The following NDUFAF6 variants were observed in gnomAD, a reference collection of about 807,000 sequenced individuals.
The protein encoded by NDUFAF6 is NADH dehydrogenase (ubiquinone) complex I, assembly factor 6.
NDUFAF6 carries 45 observed loss-of-function variants against 40.8 expected under a neutral mutation model. That is an observed-to-expected ratio of 1.10 (90% CI 0.87 to 1.42). The LOEUF (loss-of-function observed/expected upper bound fraction) is 1.42, where lower values mean the gene tolerates loss of function less well. Among genes scored for constraint, NDUFAF6 ranks in the 40% most tolerant of loss-of-function variants. NDUFAF6 has a pLI of 0.00. For synonymous variants in NDUFAF6, 185 were observed against 155.9 expected, an observed-to-expected ratio of 1.19 and a Z score of -1.39; for missense variants, 435 against 418.5, an observed-to-expected ratio of 1.04 and a Z score of -0.34.
chr8:95,063,026 C>G (rs1246986436), downstream of NDUFAF6, among the ~76,000 whole-genome samples: 2 of 152,126 alleles, frequency 1.3e-5, no homozygotes, highest in Admixed American at 6.5e-5. Flanking sequence ...TTGTTAAGTA[C>G]AGCTGGAAAG....
At chr8:94,997,275 TAAGC>T (rs1242376125) in intron 2 of NDUFAF6, among the ~76,000 whole-genome samples, 19 of 117,022 alleles carry the variant, frequency 1.6e-4, no homozygotes, top group South Asian at 1.2e-3. Flanking sequence ...AGTAGGCACT[TAAGC>T]AAGAAGAAAG....
chr8:95,058,300 G>C lies in NDUFAF6; in HGVS notation c.*363G>C. ...CACCACTGGGGAAGGAAAGGGGAAA[G>C]GGCTCAAGTTATCATAGGGGCTTAC... is the stretch of plus-strand genomic sequence containing the variant. On this transcript the variant is annotated 3_prime_UTR_variant, in exon 9 of 9. Coordinates refer to ENST00000396124, the MANE Select transcript of NDUFAF6 (RefSeq NM_152416.4). 1 of 1,282,894 alleles carries C rather than the reference G, an allele frequency of 7.8e-7. No individual in the cohort carries two copies. Among genetic ancestry groups the C allele is most frequent in the Non-Finnish European group, 9.8e-7 (1 of 1,018,776 alleles). The allele number at this position is 1,282,894 out of a possible 1,614,324, so 79.5% of individuals were successfully genotyped here.
At chr8:94,902,481 C>T (rs1340854264) in intron 1 of NDUFAF6, among the ~76,000 whole-genome samples, 1 of 151,724 alleles carries the variant, frequency 6.6e-6, no homozygotes, top group Non-Finnish European at 1.5e-5. Context: ...TTGTGTAACC[C>T]AAACTCTTAT....
chr8:95,113,894 A>T (rs1386588182), intron 4 of NDUFAF6, among the ~76,000 whole-genome samples: 1 of 151,794 alleles, frequency 6.6e-6, no homozygotes, highest in Non-Finnish European at 1.5e-5. Flanking sequence ...TTCTCAGTAA[A>T]CTATCGCAAG....
At position 95,075,835 on chromosome 8, in the gene NDUFAF6, G is replaced by A. The variant is rs1490215298; in HGVS notation, c.*714G>A. On this transcript the variant is annotated 3_prime_UTR_variant and NMD_transcript_variant, in exon 10 of 10. Coordinates refer to the NDUFAF6 transcript ENST00000520757. The stretch of plus-strand genomic sequence containing the variant: ...CGAACACGCACACACTTCTCCTTGC[G>A]CTATTTTGAATTACCAGAGGAGAAT... 21 of 533,080 alleles carry A rather than the reference G, an allele frequency of 3.9e-5. 1 individual carries two copies. The highest frequency in any genetic ancestry group is 1.8e-4 in the South Asian group (11 of 59,892). The allele number at this position is 533,080 out of a possible 1,614,324, so 33.0% of individuals were successfully genotyped here.
At chr8:94,992,764 G>A (rs1032017083) in intron 2 of NDUFAF6, among the ~76,000 whole-genome samples, 20 of 152,072 alleles carry the variant, frequency 1.3e-4, no homozygotes, top group South Asian at 8.3e-4. Flanking sequence ...CTTTTGGTTC[G>A]CTCATAATTC....
intron 7 of NDUFAF6, among the ~76,000 whole-genome samples, chr8:95,051,558 G>A (rs1032399972): frequency 1.3e-5 from 2 of 152,112 alleles, no homozygotes; most frequent in African/African-American, 2.4e-5. Flanking sequence ...TGGGCTTGGC[G>A]AACACAGGAT....
intron 4 of NDUFAF6, among the ~76,000 whole-genome samples, chr8:95,044,091 G>A (rs1404507993): frequency 6.6e-6 from 1 of 152,094 alleles, no homozygotes; most frequent in Non-Finnish European, 1.5e-5. Context: ...AATAGATGAA[G>A]CAAACAATAT....
intron 1 of NDUFAF6, chr8:94,930,102 GCTTAA>G: frequency 5.2e-6 from 1 of 192,868 alleles, no homozygotes; most frequent in Non-Finnish European, 1.1e-5. Flanking sequence ...ATTTTTGCTT[GCTTAA>G]AAGATTAAGT....
chr8:95,107,835 A>C (rs1237728263), downstream of NDUFAF6, among the ~76,000 whole-genome samples: 1 of 152,182 alleles, frequency 6.6e-6, no homozygotes, highest in African/African-American at 2.4e-5. Flanking sequence ...GGGAGGGTAT[A>C]ACTGAATGAC....
At chr8:95,047,171 A>G (rs1587130246) in intron 6 of NDUFAF6, 44 bp downstream of exon 6, 1 of 1,613,598 alleles carries the variant, frequency 6.2e-7, no homozygotes, top group South Asian at 1.1e-5. Flanking sequence ...CCTCAGGAAT[A>G]TGGGGAAGGA....
chr8:94,963,588 C>T (rs946435182), intron 1 of NDUFAF6, among the ~76,000 whole-genome samples: 5 of 152,208 alleles, frequency 3.3e-5, no homozygotes, highest in Non-Finnish European at 5.9e-5. Context: ...GAGGCTGGCT[C>T]AGCTGGAGAC....
intron 2 of NDUFAF6, among the ~76,000 whole-genome samples, chr8:95,094,369 CT>C (rs1479535253): frequency 4.0e-5 from 5 of 126,478 alleles, no homozygotes; most frequent in East Asian, 2.4e-4. Flanking sequence ...TCTTTCTTTT[CT>C]TTTCTTTCCT....
At chr8:94,962,931 T>C (rs7823366) in intron 1 of NDUFAF6, among the ~76,000 whole-genome samples, 100,030 of 151,482 alleles carry the variant, frequency 0.66, 33,652 homozygotes, top group East Asian at 0.78. Context: ...GCTGGGATTA[T>C]AGGCACCCAC....
chr8:95,099,515 G>A (rs560958701), upstream of NDUFAF6, among the ~76,000 whole-genome samples: 2 of 152,052 alleles, frequency 1.3e-5, no homozygotes, highest in East Asian at 1.9e-4. Context: ...AGAGGCTGAG[G>A]CAGGGGAGTC....
intron 2 of NDUFAF6, among the ~76,000 whole-genome samples, chr8:94,998,529 G>T (rs1421670807): frequency 6.6e-6 from 1 of 152,148 alleles, no homozygotes; most frequent in African/African-American, 2.4e-5. Context: ...TTCTTTATAA[G>T]AGCTTTTCCC....
intron 2 of NDUFAF6, among the ~76,000 whole-genome samples, chr8:95,033,392 T>TCACTTTGTACTTCTTTGTA (rs1829087818): frequency 6.6e-6 from 1 of 152,206 alleles, no homozygotes; most frequent in Admixed American, 6.5e-5. Flanking sequence ...CTGAATTCTG[T>TCACTTTGTACTTCTTTGTA]CACTTTGTAC....
chr8:95,095,440 G>T (rs926477619), upstream of NDUFAF6, among the ~76,000 whole-genome samples: 2 of 152,084 alleles, frequency 1.3e-5, no homozygotes, highest in African/African-American at 2.4e-5. Flanking sequence ...CTCAACCAAG[G>T]TGCAAACTAA....
chr8:94,950,810 G>A (rs1249973862), intron 2 of NDUFAF6: 1 of 152,086 alleles, frequency 6.6e-6, no homozygotes, highest in Non-Finnish European at 1.5e-5. Flanking sequence ...CAGAACCAAG[G>A]TATGATGACA....
Sources: gnomAD v4.1 joint callset for allele counts (sites outside exome capture counted in the v4.1 genomes callset) on GRCh38, gnomAD v4.1.1 for gene constraint, MANE v1.5 for transcripts, NCBI Gene and HGNC (gene_info 2026-07-23, HGNC 2026-07-21) for gene names.